The following JMJD1C variants were observed in gnomAD, a reference collection of about 807,000 sequenced individuals.
JMJD1C encodes jumonji domain-containing protein 1C.
Under a neutral mutation model 245.3 loss-of-function variants are expected in JMJD1C, and 31 were observed. That is an observed-to-expected ratio of 0.13 (90% CI 0.09 to 0.17). The LOEUF (loss-of-function observed/expected upper bound fraction) is 0.17. Among genes scored for constraint, JMJD1C ranks in the 10% least tolerant of loss-of-function variants. JMJD1C has a pLI of 1.00. For synonymous variants in JMJD1C, 1,057 were observed against 1,017.4 expected (o/e 1.04, Z -0.74); for missense variants, 2,691 against 3,000.2 (o/e 0.90, Z 2.41).
rs1209440834 is a variant in JMJD1C, at chr10:63,167,407, CATAA to C, written c.*634_*637del. The C allele has an allele frequency of 1.3e-5, 2 of 152,534 alleles. No individual in the cohort carries two copies. The highest frequency in any genetic ancestry group is 2.9e-5 in the Non-Finnish European group (2 of 68,030). 9.4% of individuals were successfully genotyped at this position (152,534 alleles called of 1,614,324 possible). On this transcript the variant is annotated 3_prime_UTR_variant, in exon 26 of 26. Coordinates refer to ENST00000399262, the MANE Select transcript of JMJD1C (RefSeq NM_032776.3). ...TTTAATATTTAGCTTTAAAAGTTCA[CATAA>C]ATTTTACCAAAATGAGACAATTTTA...
At chr10:63,410,727 AT>A (rs1949428792) in intron 1 of JMJD1C, among the ~76,000 whole-genome samples, 1 of 152,060 alleles carries the variant, frequency 6.6e-6, no homozygotes, top group South Asian at 2.1e-4. Flanking sequence ...ATAATACTCT[AT>A]TTTGGTTTTC....
intron 23 of JMJD1C, chr10:63,176,871 C>T (rs1168026490): frequency 1.3e-5 from 2 of 152,880 alleles, no homozygotes; most frequent in Non-Finnish European, 2.8e-5. Flanking sequence ...ATTTATTGAT[C>T]CTTTTTTGAG....
At chr10:63,325,897 T>C (rs1564789210) in intron 2 of JMJD1C, among the ~76,000 whole-genome samples, 1 of 152,358 alleles carries the variant, frequency 6.6e-6, no homozygotes, top group South Asian at 2.1e-4. Flanking sequence ...ATATATTCTA[T>C]GTAGATCAAC....
chr10:63,203,179 CAT>C lies in JMJD1C; in HGVS notation c.5075-2504_5075-2503del, dbSNP rs2133106088. 3.0e-6 allele frequency: 3 copies of C among 984,898 alleles called. No homozygotes were observed. In the South Asian group the frequency reaches 1.4e-4, roughly 46 times the overall value. 61.0% of individuals were successfully genotyped at this position (984,898 alleles called of 1,614,324 possible). On this transcript the variant is annotated intron_variant, in intron 10 of 25. Coordinates refer to ENST00000399262, the MANE Select transcript of JMJD1C (RefSeq NM_032776.3). ...ATTTTTGCTTCTAGACAAGGCCACA[CAT>C]GACTGCAACTAACTCCTTTTATGAA...
intron 1 of JMJD1C, among the ~76,000 whole-genome samples, chr10:63,399,359 T>C (rs1328828597): frequency 6.6e-6 from 1 of 152,162 alleles, no homozygotes; most frequent in Non-Finnish European, 1.5e-5. Flanking sequence ...ACCCTGGTAC[T>C]TTTCTGCGGG....
At chr10:63,477,321 T>C (rs142077054) in intron 1 of JMJD1C, among the ~76,000 whole-genome samples, 1 of 152,178 alleles carries the variant, frequency 6.6e-6, no homozygotes, top group Non-Finnish European at 1.5e-5. Flanking sequence ...ACTCTTTATA[T>C]AAAATATGCT....
chr10:63,514,654 T>C (rs1954964594), intron 1 of JMJD1C, among the ~76,000 whole-genome samples: 1 of 152,000 alleles, frequency 6.6e-6, no homozygotes, highest in East Asian at 1.9e-4. Context: ...GTGGAAGGGA[T>C]GAAAAACTGT....
intron 2 of JMJD1C, among the ~76,000 whole-genome samples, chr10:63,348,735 A>C (rs200784379): frequency 6.6e-6 from 1 of 152,148 alleles, no homozygotes; most frequent in East Asian, 1.9e-4. Flanking sequence ...ATGGGGACGT[A>C]TCCTTTGAAT....
At chr10:63,271,903 G>A (rs896259673) in intron 2 of JMJD1C, among the ~76,000 whole-genome samples, 10 of 152,034 alleles carry the variant, frequency 6.6e-5, no homozygotes, top group East Asian at 1.9e-4. Flanking sequence ...GGCAAACCCC[G>A]TTTGTACTAA....
At chr10:63,292,405 G>A (rs1009630079) in intron 2 of JMJD1C, among the ~76,000 whole-genome samples, 7 of 151,826 alleles carry the variant, frequency 4.6e-5, no homozygotes, top group African/African-American at 1.7e-4. Context: ...GAGGCCAGGA[G>A]TTCAAGACCA....
chr10:63,313,317 G>GT (rs1939488845), intron 2 of JMJD1C, among the ~76,000 whole-genome samples: 1 of 152,172 alleles, frequency 6.6e-6, no homozygotes, highest in Admixed American at 6.5e-5. Context: ...CATTGTGTGT[G>GT]TAAGAATTTC....
chr10:63,421,949 CCTGT>C (rs1442959260), intron 1 of JMJD1C, among the ~76,000 whole-genome samples: 2 of 152,140 alleles, frequency 1.3e-5, no homozygotes, highest in Non-Finnish European at 2.9e-5. Flanking sequence ...TTTTAAGCTA[CCTGT>C]CTATGATATT....
At chr10:63,209,291 A>C in intron 8 of JMJD1C, 56 bp from the exon 9 acceptor site, 1 of 1,459,716 alleles carries the variant, frequency 6.9e-7, no homozygotes, top group Non-Finnish European at 9.3e-7. Context: ...AGAAAAAGCT[A>C]AACACCGTGT....
chr10:63,381,687 C>G (rs189029803), intron 1 of JMJD1C, among the ~76,000 whole-genome samples: 1 of 152,138 alleles, frequency 6.6e-6, no homozygotes, highest in Non-Finnish European at 1.5e-5. Context: ...TTAGAAAGGA[C>G]ATTAACAAAT....
chr10:63,422,889 T>A (rs921355250), intron 1 of JMJD1C, among the ~76,000 whole-genome samples: 2 of 152,278 alleles, frequency 1.3e-5, no homozygotes, highest in East Asian at 1.9e-4. Context: ...TAACCATTTT[T>A]AAATGTATAA....
chr10:63,366,565 C>T (rs1444452044), intron 2 of JMJD1C, among the ~76,000 whole-genome samples: 1 of 152,200 alleles, frequency 6.6e-6, no homozygotes, highest in Non-Finnish European at 1.5e-5. Flanking sequence ...CATTAACTTG[C>T]TGAAGCTGAC....
At chr10:63,384,315 C>T (rs1429509646) in intron 1 of JMJD1C, among the ~76,000 whole-genome samples, 1 of 152,158 alleles carries the variant, frequency 6.6e-6, no homozygotes, top group Non-Finnish European at 1.5e-5. Flanking sequence ...AATACTGAAT[C>T]CTTTACAAAA....
intron 1 of JMJD1C, among the ~76,000 whole-genome samples, chr10:63,397,357 G>C (rs1448652403): frequency 1.3e-5 from 2 of 151,972 alleles, no homozygotes; most frequent in African/African-American, 4.8e-5. Flanking sequence ...GGGATTACAG[G>C]CATGTGCCAC....
intron 1 of JMJD1C, among the ~76,000 whole-genome samples, chr10:63,507,661 A>AC (rs1033740106): frequency 3.3e-5 from 5 of 150,712 alleles, no homozygotes; most frequent in African/African-American, 1.2e-4. Flanking sequence ...AAAAAAAAAA[A>AC]AACAGTGGCT....
Sources: allele counts gnomAD v4.1 joint callset (sites outside exome capture counted in the v4.1 genomes callset), GRCh38; gene constraint gnomAD v4.1.1; transcripts MANE v1.5; gene names NCBI Gene and HGNC (gene_info 2026-07-23, HGNC 2026-07-21).